SAMD12: variants seen among roughly 807,000 people sequenced by gnomAD.
SAMD12 encodes sterile alpha motif domain-containing protein 12.
Under a neutral mutation model 15.0 loss-of-function variants are expected in SAMD12, and 9 were observed. The observed-to-expected ratio is 0.60, with a 90% CI of 0.36 to 1.05. The LOEUF (loss-of-function observed/expected upper bound fraction) is 1.05. Among genes scored for constraint, SAMD12 ranks in the 50% least tolerant of loss-of-function variants. The pLI is 0.01. For missense variants in SAMD12, 230 were observed against 234.2 expected (o/e 0.98, Z 0.12); for synonymous variants, 86 against 90.1 (o/e 0.96, Z 0.25).
intron 4 of SAMD12, among the ~76,000 whole-genome samples, chr8:118,333,448 A>G (rs1816898264): frequency 6.6e-6 from 1 of 152,188 alleles, no homozygotes; most frequent in African/African-American, 2.4e-5. Context: ...ATCACTTCTG[A>G]AAAAGAAGGG....
intron 1 of SAMD12, among the ~76,000 whole-genome samples, chr8:118,591,390 C>A (rs905592275): frequency 2.0e-5 from 3 of 152,088 alleles, no homozygotes; most frequent in African/African-American, 7.2e-5. Context: ...AATGGCAATA[C>A]TAATATTACC....
At chr8:118,580,242 A>T (rs1330073386) in intron 2 of SAMD12, among the ~76,000 whole-genome samples, 1 of 152,172 alleles carries the variant, frequency 6.6e-6, no homozygotes, top group Non-Finnish European at 1.5e-5. Context: ...CTAATTAACA[A>T]TACCTGTAAG....
chr8:118,556,326 G>A (rs1290705671), intron 2 of SAMD12, among the ~76,000 whole-genome samples: 1 of 152,130 alleles, frequency 6.6e-6, no homozygotes, highest in East Asian at 1.9e-4. Flanking sequence ...CTCTCAGCAT[G>A]GTCTTCTAGA....
At chr8:118,191,811 T>TATAG in exon 5 of SAMD12, 1 of 8,152 alleles carries the variant, frequency 1.2e-4, no homozygotes, top group South Asian at 6.9e-3. Context: ...TATATATATA[T>TATAG]AGAGAGAGAG....
chr8:118,241,731 C>T (rs1015604450), intron 4 of SAMD12, among the ~76,000 whole-genome samples: 1 of 152,048 alleles, frequency 6.6e-6, no homozygotes, highest in African/African-American at 2.4e-5. Context: ...ACCTACTCTT[C>T]AAAGTTTTCA....
chr8:118,423,063 C>T (rs1012647502), intron 3 of SAMD12, among the ~76,000 whole-genome samples: 4 of 152,068 alleles, frequency 2.6e-5, no homozygotes, highest in Admixed American at 1.3e-4. Flanking sequence ...GCCTGTAGTC[C>T]CAGGTACTCG....
At chr8:118,164,387 TC>T in the SAMD12 span, among the ~76,000 whole-genome samples, 1 of 151,962 alleles carries the variant, frequency 6.6e-6, no homozygotes, top group South Asian at 2.1e-4. Flanking sequence ...CTGTCAAGGG[TC>T]GCCTCAAGCA....
At chr8:118,204,000 C>T (rs1240153481) in intron 4 of SAMD12, among the ~76,000 whole-genome samples, 1 of 151,808 alleles carries the variant, frequency 6.6e-6, no homozygotes, top group Non-Finnish European at 1.5e-5. Flanking sequence ...TAAAAACCAA[C>T]ATAAGTGTGC....
chr8:118,197,457 C>T (rs1182604071), exon 5 of SAMD12: 2 of 559,956 alleles, frequency 3.6e-6, no homozygotes, highest in Non-Finnish European at 3.2e-6. Context: ...AGCAATTTTC[C>T]AGCTAATGGT....
chr8:118,558,627 T>C (rs1407684315), intron 2 of SAMD12, among the ~76,000 whole-genome samples: 1 of 152,144 alleles, frequency 6.6e-6, no homozygotes, highest in Non-Finnish European at 1.5e-5. Flanking sequence ...GGCACGATCC[T>C]GGCTCACGGC....
intron 3 of SAMD12, among the ~76,000 whole-genome samples, chr8:118,427,446 C>T (rs1364688883): frequency 6.6e-6 from 1 of 152,192 alleles, no homozygotes; most frequent in Non-Finnish European, 1.5e-5. Flanking sequence ...TTCCCCTTTA[C>T]AGTCAATTCC....
chr8:118,269,752 A>G (rs868801904), intron 4 of SAMD12, among the ~76,000 whole-genome samples: 1 of 152,186 alleles, frequency 6.6e-6, no homozygotes, highest in Non-Finnish European at 1.5e-5. Flanking sequence ...CAAAACTTCT[A>G]CATTCTTCTC....
chr8:118,540,693 C>T (rs12549010), intron 2 of SAMD12, among the ~76,000 whole-genome samples: 64,670 of 151,760 alleles, frequency 0.43, 14,132 homozygotes, highest in Non-Finnish European at 0.48. Flanking sequence ...ACCATTGCAA[C>T]TGGCCATAAA....
chr8:118,383,459 T>G (rs987206610), intron 3 of SAMD12, among the ~76,000 whole-genome samples: 3 of 152,128 alleles, frequency 2.0e-5, no homozygotes, highest in African/African-American at 7.2e-5. Context: ...AGAGCAAATA[T>G]TTTTTTAAAG....
At chr8:118,563,211 G>A (rs1237876908) in intron 2 of SAMD12, among the ~76,000 whole-genome samples, 1 of 152,096 alleles carries the variant, frequency 6.6e-6, no homozygotes, top group Non-Finnish European at 1.5e-5. Context: ...TTTGGTGATG[G>A]GTTCACCAGT....
chr8:118,486,326 G>A (rs1030780981), intron 2 of SAMD12, among the ~76,000 whole-genome samples: 1 of 152,014 alleles, frequency 6.6e-6, no homozygotes, highest in Non-Finnish European at 1.5e-5. Flanking sequence ...TGAGGCAGGA[G>A]AATGGCGTGA....
intron 2 of SAMD12, among the ~76,000 whole-genome samples, chr8:118,508,570 C>G (rs912424779): frequency 6.6e-6 from 1 of 152,138 alleles, no homozygotes; most frequent in African/African-American, 2.4e-5. Context: ...GATAAAGACA[C>G]CTTCGTGTCA....
chr8:118,542,891 C>A (rs550271874), intron 2 of SAMD12, among the ~76,000 whole-genome samples: 1 of 152,206 alleles, frequency 6.6e-6, no homozygotes, highest in South Asian at 2.1e-4. Context: ...AAGGTTGTCC[C>A]TAGCCTACAG....
chr8:118,212,736 C>T (rs2514957), intron 4 of SAMD12, among the ~76,000 whole-genome samples: 76,712 of 152,042 alleles, frequency 0.5, 21,020 homozygotes, highest in Non-Finnish European at 0.62. Flanking sequence ...TGTTTTTCAA[C>T]AGTGATTAAA....
Sources: gnomAD v4.1 joint callset for allele counts (sites outside exome capture counted in the v4.1 genomes callset) on GRCh38, gnomAD v4.1.1 for gene constraint, MANE v1.5 for transcripts, NCBI Gene and HGNC (gene_info 2026-07-23, HGNC 2026-07-21) for gene names.